SDK1: variants seen among roughly 807,000 people sequenced by gnomAD.
SDK1 encodes the protein sidekick cell adhesion molecule 1.
SDK1 carries 157 observed loss-of-function variants against 245.5 expected under a neutral mutation model. The observed-to-expected ratio is 0.64, with a 90% CI of 0.56 to 0.73. The LOEUF (loss-of-function observed/expected upper bound fraction) is 0.73. SDK1 is among the 30% of genes least tolerant of loss of function. The pLI, the probability that SDK1 is intolerant of heterozygous loss-of-function variation, is 0.00. For missense variants in SDK1, 3,583 were observed against 3,002.3 expected, an observed-to-expected ratio of 1.19 and a Z score of -4.52; for synonymous variants, 1,647 against 1,278.5, an observed-to-expected ratio of 1.29 and a Z score of -6.15.
chr7:3,483,630 A>C (rs1204535028), intron 1 of SDK1, among the ~76,000 whole-genome samples: 1 of 152,156 alleles, frequency 6.6e-6, no homozygotes, highest in Admixed American at 6.5e-5. Flanking sequence ...TCTTCATTTT[A>C]ATGGATGCTT....
intron 1 of SDK1, among the ~76,000 whole-genome samples, chr7:3,383,765 G>T (rs1273632198): frequency 6.6e-6 from 1 of 152,144 alleles, no homozygotes; most frequent in African/African-American, 2.4e-5. Flanking sequence ...TTGATGCATA[G>T]AGCCTATTAA....
chr7:3,537,236 T>C (rs1294384576), intron 1 of SDK1, among the ~76,000 whole-genome samples: 2 of 152,240 alleles, frequency 1.3e-5, no homozygotes, highest in African/African-American at 4.8e-5. Context: ...CTCTTGTGTC[T>C]GACTATCCCA....
intron 22 of SDK1, among the ~76,000 whole-genome samples, chr7:4,103,526 G>C (rs1782710139): frequency 6.6e-6 from 1 of 152,176 alleles, no homozygotes; most frequent in South Asian, 2.1e-4. Flanking sequence ...AGAAATTTCA[G>C]TTTCTCCCCT....
At chr7:3,910,999 G>A (rs139151685) in intron 5 of SDK1, among the ~76,000 whole-genome samples, 2 of 152,202 alleles carry the variant, frequency 1.3e-5, no homozygotes, top group East Asian at 3.9e-4. Context: ...TGGGCATTCC[G>A]CTCTCCTCCA....
chr7:3,550,875 G>A (rs1181802229), intron 1 of SDK1, among the ~76,000 whole-genome samples: 2 of 151,978 alleles, frequency 1.3e-5, no homozygotes, highest in Non-Finnish European at 2.9e-5. Flanking sequence ...GTAATTTTTA[G>A]CAATACTGCT....
chr7:3,864,748 G>T (rs781455456), intron 5 of SDK1, among the ~76,000 whole-genome samples: 4 of 152,128 alleles, frequency 2.6e-5, no homozygotes, highest in Non-Finnish European at 5.9e-5. Context: ...AATACACCCT[G>T]TTTATTGCTC....
intron 1 of SDK1, among the ~76,000 whole-genome samples, chr7:3,573,794 C>A (rs1780192132): frequency 6.6e-6 from 1 of 151,938 alleles, no homozygotes; most frequent in Admixed American, 6.6e-5. Context: ...TTTTCTAAGT[C>A]ATGCTGAGAA....
intron 1 of SDK1, among the ~76,000 whole-genome samples, chr7:3,378,528 C>G (rs1217771411): frequency 3.9e-5 from 6 of 152,096 alleles, no homozygotes; most frequent in African/African-American, 9.7e-5. Flanking sequence ...ATGAGGAAAC[C>G]TTGAGGTCGG....
At chr7:3,961,664 C>G (rs1371331436) in intron 8 of SDK1, among the ~76,000 whole-genome samples, 5 of 152,196 alleles carry the variant, frequency 3.3e-5, no homozygotes, top group Admixed American at 6.5e-5. Context: ...AATTGCTCCT[C>G]TGAGACAGTA....
chr7:3,523,287 A>C (rs1783005484), intron 1 of SDK1, among the ~76,000 whole-genome samples: 1 of 152,204 alleles, frequency 6.6e-6, no homozygotes, highest in Non-Finnish European at 1.5e-5. Context: ...ATGTCTTCTC[A>C]GTGCAGGGAA....
At chr7:4,048,724 G>C (rs1340402126) in intron 17 of SDK1, among the ~76,000 whole-genome samples, 1 of 152,158 alleles carries the variant, frequency 6.6e-6, no homozygotes, top group African/African-American at 2.4e-5. Context: ...ACAGTTACAC[G>C]AGCATGTCCC....
intron 4 of SDK1, among the ~76,000 whole-genome samples, chr7:3,732,214 G>A (rs922427914): frequency 1.1e-4 from 17 of 152,182 alleles, no homozygotes; most frequent in African/African-American, 2.9e-4. Context: ...GGTAAACTCC[G>A]ACTATTTTTT....
intron 2 of SDK1, among the ~76,000 whole-genome samples, chr7:3,637,443 A>T (rs1782494955): frequency 6.6e-6 from 1 of 152,122 alleles, no homozygotes. Flanking sequence ...GTTTGCTCAC[A>T]CCTTACTCTT....
At chr7:3,503,750 A>T (rs1782294744) in intron 1 of SDK1, among the ~76,000 whole-genome samples, 1 of 152,214 alleles carries the variant, frequency 6.6e-6, no homozygotes, top group Non-Finnish European at 1.5e-5. Context: ...AACTTTAAAA[A>T]GTTCAAGACT....
chr7:4,058,273 G>C (rs746784004), intron 19 of SDK1, among the ~76,000 whole-genome samples: 1 of 151,934 alleles, frequency 6.6e-6, no homozygotes, highest in Non-Finnish European at 1.5e-5. Flanking sequence ...AAATACAATA[G>C]TAAGCTTCGG....
At chr7:3,572,466 A>G (rs1780146529) in intron 1 of SDK1, among the ~76,000 whole-genome samples, 1 of 151,944 alleles carries the variant, frequency 6.6e-6, no homozygotes, top group African/African-American at 2.4e-5. Context: ...GGAATTTCCT[A>G]TAAACTGCGC....
intron 44 of SDK1, among the ~76,000 whole-genome samples, chr7:4,252,722 TGATA>T (rs570249008): frequency 1.5e-4 from 23 of 152,196 alleles, no homozygotes; most frequent in Non-Finnish European, 3.1e-4. Flanking sequence ...TTTAAATGTT[TGATA>T]GATTTCATCA....
intron 1 of SDK1, among the ~76,000 whole-genome samples, chr7:3,577,065 A>C (rs898231925): frequency 6.6e-6 from 1 of 151,884 alleles, no homozygotes; most frequent in Non-Finnish European, 1.5e-5. Context: ...CACCTTGCAA[A>C]GAGAGGACAG....
At position 3,672,789 on chromosome 7, in the gene SDK1, ATATAT is replaced by A. The variant is rs1200398394; in HGVS notation, c.713+30685_713+30689del. On this transcript the variant is annotated intron_variant, in intron 4 of 44. Transcript: ENST00000404826. ...TATATATATATATATATATATATAT[ATATAT>A]AAAAAATACAGAAAGCTCTAAGTAT... Among the ~76,000 whole-genome samples, 531 of 106,566 alleles carry A rather than the reference ATATAT, an allele frequency of 5.0e-3. 14 individuals carry two copies. Among genetic ancestry groups the A allele is most frequent in the Non-Finnish European group, 8.2e-3 (431 of 52,336 alleles). The allele number at this position is 106,566 out of a possible 152,430, so 69.9% of individuals were successfully genotyped here.
Sources: gnomAD v4.1 joint callset for allele counts (sites outside exome capture counted in the v4.1 genomes callset) on GRCh38, gnomAD v4.1.1 for gene constraint, MANE v1.5 for transcripts, NCBI Gene and HGNC (gene_info 2026-07-23, HGNC 2026-07-21) for gene names.